The following AIFM3 variants were observed in gnomAD, a reference collection of about 807,000 sequenced individuals.
AIFM3 encodes apoptosis-inducing factor 3.
AIFM3 carries 71 observed loss-of-function variants against 82.7 expected under a neutral mutation model. The observed-to-expected ratio is 0.86, with a 90% CI of 0.71 to 1.05. The LOEUF (loss-of-function observed/expected upper bound fraction) is 1.05, where lower values mean the gene tolerates loss of function less well. Among genes scored for constraint, AIFM3 ranks in the 50% least tolerant of loss-of-function variants. The probability of loss-of-function intolerance (pLI) is 0.00; values close to 1 mark genes in which losing one functional copy is unlikely to be tolerated. For synonymous variants in AIFM3, 337 were observed against 329.1 expected (o/e 1.02, Z -0.26); for missense variants, 748 against 816.7 (o/e 0.92, Z 1.03).
rs749744625 is a variant in AIFM3, at chr22:20,979,699, CTAAG to C, written c.1651_1652+2del. 2.4e-5 allele frequency: 39 copies of C among 1,614,084 alleles called. No homozygotes were observed. Among genetic ancestry groups the C allele is most frequent in the Admixed American group, 8.3e-5 (5 of 60,002 alleles). ...GAGCTGAAGTTTGTGGCTTTTTACA[CTAAG>C]TGAGAGCACCGGGGTGCAGCTTGGC... On this transcript the variant is annotated splice_donor_variant and coding_sequence_variant, in exon 18 of 21. Transcript: ENST00000440238. LOFTEE classifies it high-confidence loss of function.
At position 20,972,121 on chromosome 22, in the gene AIFM3, C is replaced by T. The variant is rs73164813; in HGVS notation, c.32-1186C>T. ...AAGAGCTATTTTGAGAAGTTGAAATCGGGCCGGGAGTGGTGGCCCACGCCT... is the reference window on the plus strand; with the variant it reads ...AAGAGCTATTTTGAGAAGTTGAAATTGGGCCGGGAGTGGTGGCCCACGCCT... On this transcript the variant is annotated intron_variant, in intron 2 of 20. Coordinates refer to ENST00000440238, the MANE Select transcript of AIFM3 (RefSeq NM_001386814.1). Among the ~76,000 whole-genome samples the T allele has an allele frequency of 7.4e-3, 1,120 of 152,266 alleles. 11 individuals are homozygous for T. Among genetic ancestry groups the T allele is most frequent in the Admixed American group, 0.015 (231 of 15,290 alleles).
chr22:20,977,009 G>C (rs769692208), intron 13 of AIFM3, 23 bp from the exon 14 acceptor site: 17 of 1,614,086 alleles, frequency 1.1e-5, no homozygotes, highest in Non-Finnish European at 1.4e-5. Context: ...GGGTCCACCT[G>C]TTTATCCACC....
intron 14 of AIFM3, 60 bp from the exon 15 acceptor site, chr22:20,977,639 TG>T: frequency 6.2e-7 from 1 of 1,602,044 alleles, no homozygotes; most frequent in Non-Finnish European, 8.5e-7. Context: ...CTGTAGGGTG[TG>T]GAGAGTGACT....
chr22:20,973,625 C>T, intron 3 of AIFM3, 105 bp downstream of exon 3: 2 of 1,392,278 alleles, frequency 1.4e-6, no homozygotes, highest in Non-Finnish European at 2.0e-6. Flanking sequence ...CTATGACCAG[C>T]TGCTGCCCTG....
intron 2 of AIFM3, 98 bp downstream of exon 2, chr22:20,968,073 A>G: frequency 7.4e-7 from 1 of 1,352,446 alleles, no homozygotes; most frequent in Non-Finnish European, 1.0e-6. Flanking sequence ...TAGGCCTCCG[A>G]AGTAGGTCAG....
rs1462340381 is a variant in AIFM3, at chr22:20,979,365, C to T, written c.1572C>T (p.Tyr524=). Residue 524 remains tyrosine, a synonymous_variant, in exon 17 of 21, where the codon TAC becomes TAT. Coordinates refer to ENST00000440238, the MANE Select transcript of AIFM3 (RefSeq NM_001386814.1). Reference sequence around the variant, plus strand: ...CCATGTTTGGCAAGAGCCTGCGCTACGCGGGTAACCCCGGGGCCTCGGATG... The same window carrying T: ...CCATGTTTGGCAAGAGCCTGCGCTATGCGGGTAACCCCGGGGCCTCGGATG... ...WTAMFGKSLR[Y]AGYGEGFDDV... is the part of the protein sequence containing the mutation. The T allele has an allele frequency of 4.6e-6, 7 of 1,524,714 alleles. No homozygotes were observed. Among genetic ancestry groups the T allele is most frequent in the Non-Finnish European group, 6.2e-6 (7 of 1,132,334 alleles). 94.4% of individuals were successfully genotyped at this position (1,524,714 alleles called of 1,614,324 possible).
chr22:20,967,839 G>A lies in AIFM3; in HGVS notation c.-106G>A. 1 of 1,272,804 alleles carries A rather than the reference G, an allele frequency of 7.9e-7. No homozygotes were observed. The highest frequency in any genetic ancestry group is 1.1e-6 in the Non-Finnish European group (1 of 876,314). The allele number at this position is 1,272,804 out of a possible 1,614,324, so 78.8% of individuals were successfully genotyped here. A position where few individuals can be genotyped will look rare whatever the true frequency, so the allele number is the denominator to read the frequency against. On this transcript the variant is annotated 5_prime_UTR_variant, in exon 2 of 21. Transcript: ENST00000440238. ...CAGCTCCAGCAGGATGGCGGCTCCA[G>A]CGTCTCTAAGGCCTGCAGGGGGTCC...
chr22:20,970,278 G>C (rs1409018843), intron 2 of AIFM3, among the ~76,000 whole-genome samples: 1 of 152,096 alleles, frequency 6.6e-6, no homozygotes, highest in Non-Finnish European at 1.5e-5. Context: ...GGCATTTGCT[G>C]TTCTCTCTGT....
intron 19 of AIFM3, 34 bp from the exon 20 acceptor site, chr22:20,980,713 C>A (rs749833623): frequency 1.2e-6 from 2 of 1,614,140 alleles, no homozygotes; most frequent in South Asian, 2.2e-5. Flanking sequence ...TCTCCTTGGC[C>A]TTCTCTCCGT....
Position 20,977,742 on chromosome 22 carries a change from GT to G in AIFM3, c.1328del (p.Leu443TrpfsTer12). 6.2e-7 allele frequency: 1 copy of G among 1,614,196 alleles called. No homozygotes were observed. The highest frequency in any genetic ancestry group is 8.5e-7 in the Non-Finnish European group (1 of 1,180,038). On this transcript the variant is annotated frameshift_variant, in exon 15 of 21. Transcript: ENST00000440238. LOFTEE classifies it high-confidence loss of function. ...GGCTTCCTGAGGCAAAGCGGCATCG[GT>G]TTGGATTCCCGAGGCTTCATCCCTG... ...ATGFLRQSGI[G>X]LDSRGFIPVN...
At chr22:20,975,618 C>T (rs1423220780) in intron 8 of AIFM3, 74 bp from the exon 9 acceptor site, 15 of 1,469,088 alleles carry the variant, frequency 1.0e-5, no homozygotes, top group Non-Finnish European at 1.4e-5. Flanking sequence ...GTGACTGGGG[C>T]TGGCCCCACC....
intron 9 of AIFM3, 134 bp from the exon 10 acceptor site, chr22:20,976,081 A>T: frequency 1.0e-6 from 1 of 976,370 alleles, no homozygotes; most frequent in Non-Finnish European, 1.5e-6. Context: ...AATGAAGCCC[A>T]GGTGGCAGGA....
At position 20,977,999 on chromosome 22, in the gene AIFM3, G is replaced by C; in HGVS notation, c.1471G>C (p.Ala491Pro). Residue 491 changes from alanine to proline, a missense_variant, in exon 16 of 21, where the codon GCT becomes CCT. Around this residue, in one of 5 missense-constraint regions of AIFM3, gnomAD observed 183 missense variants for 158.2 expected, o/e 1.16. Coordinates refer to ENST00000440238, the MANE Select transcript of AIFM3 (RefSeq NM_001386814.1). ...VNIPHWQMAH[A>P]QGRVAAQNML... is the part of the protein sequence containing the mutation. ...CATTCCACATTGGCAGATGGCTCATGCTCAGGGTATGGCCAGTCCCGAGGC... is the reference window on the plus strand; with the variant it reads ...CATTCCACATTGGCAGATGGCTCATCCTCAGGGTATGGCCAGTCCCGAGGC... The C allele has an allele frequency of 6.2e-7, 1 of 1,614,098 alleles. No homozygotes were observed. The highest frequency in any genetic ancestry group is 2.2e-5 in the East Asian group (1 of 44,886).
chr22:20,973,545 C>G (rs178265), intron 3 of AIFM3, 25 bp downstream of exon 3: 1,538,308 of 1,596,634 alleles, frequency 0.96, 741,475 homozygotes, highest in East Asian at 1. Flanking sequence ...TGCCTGGGAG[C>G]GGGGATCAGG....
At position 20,979,339 on chromosome 22, in the gene AIFM3, G is replaced by T; in HGVS notation, c.1546G>T (p.Ala516Ser). The change falls in exon 17 of 21, where the codon GCC becomes TCC. Residue 516 changes from alanine to serine, a missense_variant. Ala to Ser is a moderately conservative substitution (Grantham distance 99). Coordinates refer to ENST00000440238, the MANE Select transcript of AIFM3 (RefSeq NM_001386814.1). ...EMSTVPYLWT[A>S]MFGKSLRYAG... Reference sequence around the variant, plus strand: ...GAGCACTGTGCCCTACCTCTGGACCGCCATGTTTGGCAAGAGCCTGCGCTA... The same window carrying T: ...GAGCACTGTGCCCTACCTCTGGACCTCCATGTTTGGCAAGAGCCTGCGCTA... 1 of 1,557,640 alleles carries T rather than the reference G, an allele frequency of 6.4e-7. No homozygotes were observed.
At chr22:20,966,085 T>C (rs1291817886), upstream of AIFM3, among the ~76,000 whole-genome samples, 1 of 151,928 alleles carries the variant, frequency 6.6e-6, no homozygotes, top group African/African-American at 2.4e-5. Context: ...CCCCACCCAG[T>C]CTCCTTCCTG....
At chr22:20,966,073 G>A (rs1201303837), upstream of AIFM3, among the ~76,000 whole-genome samples, 6 of 152,180 alleles carry the variant, frequency 3.9e-5, no homozygotes, top group East Asian at 5.8e-4. Flanking sequence ...AAGGCACAGG[G>A]GCCCCACCCA....
chr22:20,977,089 G>A lies in AIFM3; in HGVS notation c.1276G>A (p.Gly426Ser). ...KVVRADVCVVGIGAVPATGFL... is the reference protein window; with the variant it reads ...KVVRADVCVVSIGAVPATGFL... ...CGTGCGGGCTGACGTCTGCGTGGTG[G>A]GCATTGGTGAGTTGGTGTGTGGGCA... The change falls in exon 14 of 21, where the codon GGC becomes AGC. Residue 426 changes from glycine (G) to serine (S), a missense_variant. Physicochemically the swap from Gly to Ser is moderately conservative, Grantham distance 56 (BLOSUM62 0). Transcript: ENST00000440238. 6.2e-7 allele frequency: 1 copy of A among 1,614,112 alleles called. No homozygotes were observed. The highest frequency in any genetic ancestry group is 8.5e-7 in the Non-Finnish European group (1 of 1,180,024).
intron 16 of AIFM3, 152 bp downstream of exon 16, chr22:20,978,157 G>A (rs906355210): frequency 6.1e-5 from 45 of 731,882 alleles, no homozygotes; most frequent in African/African-American, 1.4e-4. Context: ...TCATCTCGGC[G>A]ATCCAGCCAA....
Sources: allele counts gnomAD v4.1 joint callset (sites outside exome capture counted in the v4.1 genomes callset), GRCh38; gene constraint gnomAD v4.1.1; regional missense constraint gnomAD v4.1.1; transcripts MANE v1.5; gene names NCBI Gene and HGNC (gene_info 2026-07-23, HGNC 2026-07-21).